The following CNOT1 variants were observed in gnomAD, a reference collection of about 807,000 sequenced individuals.
CNOT1 encodes the protein CCR4-associated factor 1.
A neutral mutation model predicts 273.8 loss-of-function variants in CNOT1; 15 were observed. The ratio of observed to expected loss-of-function variants is 0.05; its 90% confidence interval spans 0.04 to 0.08. CNOT1 has a LOEUF of 0.08. Among genes scored for constraint, CNOT1 ranks in the 10% least tolerant of loss-of-function variants. CNOT1 has a pLI of 1.00. For synonymous variants in CNOT1, 1,022 were observed against 1,005.5 expected (o/e 1.02, Z -0.31); for missense variants, 1,644 against 2,912.2 (o/e 0.56, Z 10.02).
rs17821549 is a variant in CNOT1 at position 58,520,876 on chromosome 16, C to T, written c.*82G>A. The T allele has an allele frequency of 0.064, 90,756 of 1,416,214 alleles. 3,389 individuals carry two copies. The highest frequency in any genetic ancestry group is 0.1 in the Middle Eastern group (576 of 5,604). The allele number at this position is 1,416,214 out of a possible 1,614,324, so 87.7% of individuals were successfully genotyped here. A position where few individuals can be genotyped will look rare whatever the true frequency, so the allele number is the denominator to read the frequency against. ...AAAGGGCTGGGAAAGTCAGGAAGAGCTGAAAGGATTCTTCAGTCAGTTTAT... is the reference window on the plus strand; with the variant it reads ...AAAGGGCTGGGAAAGTCAGGAAGAGTTGAAAGGATTCTTCAGTCAGTTTAT... On this transcript the variant is annotated 3_prime_UTR_variant, in exon 49 of 49. Transcript: ENST00000317147.
chr16:58,530,239 T>G lies in CNOT1; in HGVS notation c.6279+7A>C. 6.3e-7 allele frequency: 1 copy of G among 1,580,068 alleles called. No individual in the cohort carries two copies. The highest frequency in any genetic ancestry group is 8.6e-7 in the Non-Finnish European group (1 of 1,156,640). On this transcript the variant is annotated splice_region_variant and intron_variant, in intron 43 of 48. Transcript: ENST00000317147. The stretch of plus-strand genomic sequence containing the variant: ...ATTTTAATTTATAATAAATCCAAGT[T>G]AATTACCTTGTAGAGGATTTGCATA...
At chr16:58,523,974 AC>A (rs2039493959) in intron 46 of CNOT1, 1 of 153,588 alleles carries the variant, frequency 6.5e-6, no homozygotes, top group Non-Finnish European at 1.4e-5. Flanking sequence ...TGGGCCGGGC[AC>A]GGTGGCTCAC....
chr16:58,545,429 A>T lies in CNOT1; in HGVS notation c.4069T>A (p.Tyr1357Asn). ...TAGACATTGATGTCGTGGTAGCTGT[A>T]CTGTGGCTGTGGTGGAACCGTGGCT... is the stretch of plus-strand genomic sequence containing the variant. ...CTATVPPQPQ[Y>N]SYHDINVYSL... The change falls in exon 30 of 49, where the codon TAC (tyrosine) becomes AAC (asparagine). Residue 1357 changes from tyrosine (Y) to asparagine (N), a missense_variant. By Grantham distance (143) the Tyr-to-Asn change is moderately radical. Around this residue, in one of 13 missense-constraint regions of CNOT1, gnomAD observed 133 missense variants for 230.4 expected, o/e 0.58. Transcript: ENST00000317147. 1 of 1,614,154 alleles carries T rather than the reference A, an allele frequency of 6.2e-7. No individual in the cohort carries two copies. Among genetic ancestry groups the T allele is most frequent in the Non-Finnish European group, 8.5e-7 (1 of 1,179,970 alleles).
At chr16:58,573,556 C>A (rs1283062786) in intron 16 of CNOT1, among the ~76,000 whole-genome samples, 2 of 147,006 alleles carry the variant, frequency 1.4e-5, no homozygotes, top group African/African-American at 5.1e-5. Flanking sequence ...TCTCGGCTCA[C>A]TACAAGCTCT....
At chr16:58,588,340 G>GT (rs2041944653) in intron 3 of CNOT1, among the ~76,000 whole-genome samples, 1 of 151,690 alleles carries the variant, frequency 6.6e-6, no homozygotes, top group Non-Finnish European at 1.5e-5. Flanking sequence ...TGTAAAGAAA[G>GT]TTATAAAAAT....
chr16:58,580,760 G>A lies in CNOT1; in HGVS notation c.1216C>T (p.Leu406Phe), dbSNP rs751904794. ...YRPWKHAEGQ[L>F]SFIQHSLINP... ...ATAAGGGAATGTTGAATGAAGGAGA[G>A]CTGCAATGAAAGAAAATGCTTACCA... Residue 406 changes from leucine to phenylalanine, a missense_variant and splice_region_variant, in exon 12 of 49, where the codon CTC (leucine) becomes TTC (phenylalanine). Around this residue, in one of 13 missense-constraint regions of CNOT1, gnomAD observed 706 missense variants for 1,021.2 expected, o/e 0.69. Coordinates refer to ENST00000317147, the MANE Select transcript of CNOT1 (RefSeq NM_016284.5). 1.5e-5 allele frequency: 24 copies of A among 1,605,884 alleles called. No individual in the cohort carries two copies. Among genetic ancestry groups the A allele is most frequent in the Non-Finnish European group, 2.0e-5 (24 of 1,176,876 alleles).
chr16:58,588,702 A>G (rs1460879369), intron 3 of CNOT1, 97 bp downstream of exon 3: 2 of 1,443,082 alleles, frequency 1.4e-6, no homozygotes, highest in Non-Finnish European at 1.9e-6. Flanking sequence ...TCACTTCCGG[A>G]TGCTATTTTG....
rs146540913 is a variant in CNOT1 at position 58,585,408 on chromosome 16, C to T, written c.736G>A (p.Val246Ile). The T allele has an allele frequency of 3.7e-6, 6 of 1,613,752 alleles. No homozygotes were observed. In the African/African-American group the frequency reaches 5.3e-5, roughly 14 times the overall value. Residue 246 changes from valine to isoleucine, a missense_variant, in exon 8 of 49, where the codon GTA (valine) becomes ATA (isoleucine). Physicochemically the swap from Val to Ile is conservative, Grantham distance 29. Coordinates refer to ENST00000317147, the MANE Select transcript of CNOT1 (RefSeq NM_016284.5). ...MDRILPDSGGVAKTMMESSLA... is the reference protein window; with the variant it reads ...MDRILPDSGGIAKTMMESSLA... ...GAGCTCTCCATCATGGTTTTAGCTA[C>T]CCCTCCGGAATCAGGCAGGATCCTG...
At chr16:58,588,580 A>G (rs1055251430) in intron 3 of CNOT1, among the ~76,000 whole-genome samples, 1 of 152,084 alleles carries the variant, frequency 6.6e-6, no homozygotes, top group Non-Finnish European at 1.5e-5. Context: ...GGCAGGTCTG[A>G]TCCCTACCTC....
chr16:58,555,345 G>A lies in CNOT1; in HGVS notation c.2797C>T (p.Leu933=). 1.2e-6 allele frequency: 2 copies of A among 1,614,226 alleles called. No homozygotes were observed. Among genetic ancestry groups the A allele is most frequent in the Non-Finnish European group, 1.7e-6 (2 of 1,180,044 alleles). Residue 933 remains leucine (L), a synonymous_variant, in exon 21 of 49, where the codon CTG becomes TTG. Transcript: ENST00000317147. ...KGLVTYMALG[L]ALRYVLEALR... ...GCTTCAAGAACATATCGTAGAGCCA[G>A]ACCTAGTGCCATGTAAGTGACCAGT...
chr16:58,621,339 T>G (rs1334060813), intron 1 of CNOT1, among the ~76,000 whole-genome samples: 2 of 152,034 alleles, frequency 1.3e-5, no homozygotes, highest in Non-Finnish European at 2.9e-5. Context: ...AATGGTGCAA[T>G]CTCGGCTCAC....
intron 13 of CNOT1, 152 bp from the exon 14 acceptor site, chr16:58,576,734 T>TAAA: frequency 7.9e-7 from 1 of 1,266,208 alleles, no homozygotes; most frequent in Non-Finnish European, 1.1e-6. Flanking sequence ...GCAATTACCG[T>TAAA]GACGTTCTTT....
Position 58,530,249 on chromosome 16 carries a change from G to A in CNOT1, c.6276C>T (p.Tyr2092=), listed in dbSNP as rs770835812. The change falls in exon 43 of 49, where the codon TAC becomes TAT. Residue 2092 remains tyrosine (Y), a synonymous_variant. Coordinates refer to ENST00000317147, the MANE Select transcript of CNOT1 (RefSeq NM_016284.5). ...ATAATAAATCCAAGTTAATTACCTT[G>A]TAGAGGATTTGCATAGGTTTGGTGA... ...VELTKPMQIL[Y]KGTLRVLLVL... 165 of 1,598,118 alleles carry A rather than the reference G, an allele frequency of 1.0e-4. 3 individuals are homozygous for A. The South Asian group carries it at 1.7e-3, about 17-fold the overall frequency.
intron 2 of CNOT1, 71 bp downstream of exon 2, chr16:58,599,164 TA>T: frequency 6.3e-7 from 1 of 1,578,450 alleles, no homozygotes; most frequent in South Asian, 1.1e-5. Context: ...CATGCCCACA[TA>T]AATGTGTGGT....
chr16:58,527,988 CT>C, intron 44 of CNOT1: 1 of 347,428 alleles, frequency 2.9e-6, no homozygotes, highest in East Asian at 8.4e-5. Context: ...TGGCGAGTGC[CT>C]GTAATCCCAG....
At chr16:58,556,411 A>G (rs1473555572) in intron 19 of CNOT1, among the ~76,000 whole-genome samples, 2 of 152,252 alleles carry the variant, frequency 1.3e-5, no homozygotes, top group African/African-American at 4.8e-5. Context: ...GACTTCAGTC[A>G]ATTATACCTA....
At chr16:58,563,127 A>C (rs1189395646) in intron 16 of CNOT1, among the ~76,000 whole-genome samples, 1 of 152,248 alleles carries the variant, frequency 6.6e-6, no homozygotes, top group Non-Finnish European at 1.5e-5. Context: ...TGAAGCCAGG[A>C]AGAAAAATAC....
intron 16 of CNOT1, among the ~76,000 whole-genome samples, chr16:58,567,926 G>C (rs1385827776): frequency 5.9e-5 from 9 of 152,116 alleles, no homozygotes; most frequent in Admixed American, 5.9e-4. Flanking sequence ...TGACAAGGTT[G>C]GATTTATTTG....
At chr16:58,570,918 G>T (rs1567413835) in intron 16 of CNOT1, among the ~76,000 whole-genome samples, 1 of 151,984 alleles carries the variant, frequency 6.6e-6, no homozygotes, top group Non-Finnish European at 1.5e-5. Context: ...GAAGAACAGA[G>T]GAACAAAAGT....
Sources: gnomAD v4.1 joint callset for allele counts (sites outside exome capture counted in the v4.1 genomes callset) on GRCh38, gnomAD v4.1.1 for gene constraint, gnomAD v4.1.1 regional missense constraint, MANE v1.5 for transcripts, NCBI Gene and HGNC (gene_info 2026-07-23, HGNC 2026-07-21) for gene names.